Variants in GMIP observed in about 807,000 individuals in gnomAD.
GMIP encodes GEM-interacting protein.
A neutral mutation model predicts 105.3 loss-of-function variants in GMIP; 54 were observed. The observed-to-expected ratio is 0.51, with a 90% CI of 0.41 to 0.64. The LOEUF (loss-of-function observed/expected upper bound fraction) is 0.64. Ranked by LOEUF, GMIP falls within the 30% of genes least tolerant of loss-of-function variation. GMIP has a pLI of 0.00. For synonymous variants in GMIP, 541 were observed against 560.8 expected, an observed-to-expected ratio of 0.96 and a Z score of 0.50; for missense variants, 1,110 against 1,319.4, an observed-to-expected ratio of 0.84 and a Z score of 2.46.
At chr19:19,642,157 T>A in intron 2 of GMIP, 106 bp from the exon 3 acceptor site, 3 of 662,770 alleles carry the variant, frequency 4.5e-6, no homozygotes, top group Non-Finnish European at 7.9e-6. Context: ...CTCTGTGGCA[T>A]CTCTTGTGTC....
rs2061948080 is a variant in GMIP at position 19,643,541 on chromosome 19, G to C, written c.-12C>G. 3.2e-6 allele frequency: 5 copies of C among 1,547,166 alleles called. No homozygotes were observed. The highest frequency in any genetic ancestry group is 4.4e-6 in the Non-Finnish European group (5 of 1,145,110). On this transcript the variant is annotated 5_prime_UTR_variant, in exon 1 of 21. Coordinates refer to ENST00000203556, the MANE Select transcript of GMIP (RefSeq NM_016573.4). Reference sequence around the variant, plus strand: ...TCTGCTGCGTCCATATCTGGGCCCGGGGATCGCTCTGCAGGGACCGGGATG... The same window carrying C: ...TCTGCTGCGTCCATATCTGGGCCCGCGGATCGCTCTGCAGGGACCGGGATG...
intron 3 of GMIP, 50 bp downstream of exon 3, chr19:19,641,926 G>A (rs2061924826): frequency 6.2e-7 from 1 of 1,600,044 alleles, no homozygotes; most frequent in Non-Finnish European, 8.6e-7. Flanking sequence ...GCCTTCCTAA[G>A]GCCCCCTCTG....
Position 19,635,447 on chromosome 19 carries a change from C to CTTCG in GMIP, c.1524_1527dup (p.Ala510ArgfsTer11). ...CACTCCGTCCCGCTGACCATGAAGG[C>CTTCG]TTCGCACTCGCGGCACTTGGCTGGG... On this transcript the variant is annotated frameshift_variant, in exon 15 of 21. Transcript: ENST00000203556. LOFTEE classifies it high-confidence loss of function. This position sits in a 1 kb window ranked among gnomAD's most constrained non-coding sequence, Gnocchi z 4.7. The CTTCG allele has an allele frequency of 6.2e-7, 1 of 1,609,918 alleles. No individual in the cohort carries two copies. The highest frequency in any genetic ancestry group is 8.5e-7 in the Non-Finnish European group (1 of 1,179,970).
At chr19:19,640,693 T>A in intron 4 of GMIP, 122 bp from the exon 5 acceptor site, 2 of 846,468 alleles carry the variant, frequency 2.4e-6, no homozygotes, top group Non-Finnish European at 3.7e-6. Flanking sequence ...AAACACTACT[T>A]TGGGATCACT....
rs780922728 is a variant in GMIP at position 19,637,475 on chromosome 19, G to C, written c.1014C>G (p.Pro338=). 353 of 1,536,048 alleles carry C rather than the reference G, an allele frequency of 2.3e-4. No homozygotes were observed. Among genetic ancestry groups the C allele is most frequent in the South Asian group, 1.7e-3 (139 of 83,228 alleles). Residue 338 remains proline, a synonymous_variant, in exon 11 of 21, where the codon CCC becomes CCG. Coordinates refer to ENST00000203556, the MANE Select transcript of GMIP (RefSeq NM_016573.4). This position sits in a 1 kb window ranked among gnomAD's most constrained non-coding sequence, Gnocchi z 6.7. The part of the protein sequence containing the change: ...AFAALAECCA[P]FEPGQRYQEF... ...CCTGGTAGCGCTGGCCCGGCTCAAA[G>C]GGCGCACAGCACTCGGCCAGGGCGG... is the stretch of plus-strand genomic sequence containing the variant.
At chr19:19,631,164 G>A (rs1331658946) in intron 19 of GMIP, among the ~76,000 whole-genome samples, 1 of 152,116 alleles carries the variant, frequency 6.6e-6, no homozygotes, top group Non-Finnish European at 1.5e-5. Context: ...TCATGCCCCT[G>A]CACTCCAGTC....
intron 19 of GMIP, among the ~76,000 whole-genome samples, chr19:19,632,388 TA>T (rs1568410938): frequency 6.6e-6 from 1 of 151,880 alleles, no homozygotes; most frequent in East Asian, 1.9e-4. Context: ...TTACTTGAGG[TA>T]GGGGGTTGGA....
At position 19,634,736 on chromosome 19, in the gene GMIP, T is replaced by G; in HGVS notation, c.1888-33A>C. On this transcript the variant is annotated intron_variant, in intron 17 of 20. Coordinates refer to ENST00000203556, the MANE Select transcript of GMIP (RefSeq NM_016573.4). This position sits in a 1 kb window ranked among gnomAD's most constrained non-coding sequence, Gnocchi z 6.1. ...TGGAACGGAGGGCGCAACACGAGTGTGGGTGGGCTGTGGAGGGCTCCTGCC... is the reference window on the plus strand; with the variant it reads ...TGGAACGGAGGGCGCAACACGAGTGGGGGTGGGCTGTGGAGGGCTCCTGCC... 6.2e-7 allele frequency: 1 copy of G among 1,609,130 alleles called. No individual in the cohort carries two copies. Among genetic ancestry groups the G allele is most frequent in the Non-Finnish European group, 8.5e-7 (1 of 1,176,572 alleles).
In GMIP at chr19:19,634,643, A is replaced by G; in HGVS notation, c.1948T>C (p.Leu650=). Reference sequence around the variant, plus strand: ...GGGTCGTCCCCAGGGTCTGCATGCAAGGTCTTAGCCAGAGAGATGAAGGCG... The same window carrying G: ...GGGTCGTCCCCAGGGTCTGCATGCAGGGTCTTAGCCAGAGAGATGAAGGCG... The part of the protein sequence containing the change: ...YDAFISLAKT[L]HADPGDDPGT... The change falls in exon 18 of 21, where the codon TTG becomes CTG. Residue 650 remains leucine (L), a synonymous_variant. Transcript: ENST00000203556. The surrounding 1 kb of genome is among the most constrained non-coding windows in gnomAD (Gnocchi z 6.1). The G allele has an allele frequency of 6.2e-7, 1 of 1,613,372 alleles. No homozygotes were observed. Among genetic ancestry groups the G allele is most frequent in the East Asian group, 2.2e-5 (1 of 44,868 alleles).
At position 19,640,276 on chromosome 19, in the gene GMIP, G is replaced by C; in HGVS notation, c.429+20C>G. The C allele has an allele frequency of 6.2e-7, 1 of 1,611,486 alleles. No homozygotes were observed. The highest frequency in any genetic ancestry group is 8.5e-7 in the Non-Finnish European group (1 of 1,177,942). On this transcript the variant is annotated intron_variant, in intron 6 of 20. Coordinates refer to ENST00000203556, the MANE Select transcript of GMIP (RefSeq NM_016573.4). ...GTTCTAGGGGGCTTGGGCTCTCCGG[G>C]GGGGTCTGGTCATGACTACCTGCTG... is the stretch of plus-strand genomic sequence containing the variant.
chr19:19,640,254 C>T (rs2061904035), intron 6 of GMIP, 42 bp downstream of exon 6: 1 of 1,595,222 alleles, frequency 6.3e-7, no homozygotes, highest in South Asian at 1.1e-5. Context: ...AGGTGGGGTT[C>T]TAGGGGGCTT....
rs751013260 is a variant in GMIP, at chr19:19,638,162, G to A, written c.786C>T (p.Ala262=). 7.7e-5 allele frequency: 122 copies of A among 1,582,004 alleles called. 1 individual carries two copies. The highest frequency in any genetic ancestry group is 1.0e-4 in the Non-Finnish European group (119 of 1,172,734). The change falls in exon 9 of 21, where the codon GCC becomes GCT. Residue 262 remains alanine, a synonymous_variant. Transcript: ENST00000203556. ...GGGCTCGGGGCCGGGTGCCCACCTTGGCCTGGGCCTCCTCTCGCGAGCGCC... is the reference window on the plus strand; with the variant it reads ...GGGCTCGGGGCCGGGTGCCCACCTTAGCCTGGGCCTCCTCTCGCGAGCGCC... ...RRRRSREEAQ[A]KAQEAEALYQ...
At chr19:19,633,665 A>G in intron 19 of GMIP, 138 bp downstream of exon 19, 1 of 606,234 alleles carries the variant, frequency 1.6e-6, no homozygotes, top group Non-Finnish European at 2.6e-6. Flanking sequence ...TATTCCTTCC[A>G]GAATGAACAT....
At position 19,637,780 on chromosome 19, in the gene GMIP, T is replaced by G; in HGVS notation, c.927+140A>C. ...ACCTCATGGGGCGGAGCCGAGACAG[T>G]GGGTCTGGGGGCGGGAACTGGCTGT... On this transcript the variant is annotated intron_variant, in intron 10 of 20. Transcript: ENST00000203556. The surrounding 1 kb of genome is among the most constrained non-coding windows in gnomAD (Gnocchi z 6.7). The G allele has an allele frequency of 2.1e-6, 2 of 957,106 alleles. No homozygotes were observed. Among genetic ancestry groups the G allele is most frequent in the Non-Finnish European group, 3.1e-6 (2 of 648,554 alleles). The allele number at this position is 957,106 out of a possible 1,614,324, so 59.3% of individuals were successfully genotyped here.
At chr19:19,638,094 G>T (rs781413305) in intron 9 of GMIP, 37 bp from the exon 10 acceptor site, 2 of 1,546,082 alleles carry the variant, frequency 1.3e-6, no homozygotes, top group Non-Finnish European at 1.7e-6. Context: ...GGTGGGGCGC[G>T]TGTGGGCGAG....
intron 1 of GMIP, 195 bp downstream of exon 1, chr19:19,643,316 G>T (rs530126541): frequency 1.2e-4 from 60 of 480,858 alleles, no homozygotes; most frequent in Admixed American, 1.1e-3. Context: ...GGGATCAAAA[G>T]GGGGAGGGGG....
In GMIP at chr19:19,640,077, C is replaced by A; in HGVS notation, c.537+8G>T. The A allele has an allele frequency of 1.3e-6, 2 of 1,519,922 alleles. No homozygotes were observed. Among genetic ancestry groups the A allele is most frequent in the Non-Finnish European group, 9.1e-7 (1 of 1,094,212 alleles). The allele number at this position is 1,519,922 out of a possible 1,614,324, so 94.2% of individuals were successfully genotyped here. On this transcript the variant is annotated splice_region_variant and intron_variant, in intron 7 of 20. Coordinates refer to ENST00000203556, the MANE Select transcript of GMIP (RefSeq NM_016573.4). ...GACCTCTGTAACATTCCACCCTGCC[C>A]CCCTCACCTGGTAGTAGTCTCTTTT... is the stretch of plus-strand genomic sequence containing the variant.
chr19:19,636,181 G>T (rs1370124491), intron 13 of GMIP, among the ~76,000 whole-genome samples: 1 of 147,474 alleles, frequency 6.8e-6, no homozygotes, highest in Non-Finnish European at 1.5e-5. Flanking sequence ...TCCAGCCTGG[G>T]CAACAGAGCA....
At chr19:19,641,314 C>A (rs890361801) in intron 4 of GMIP, among the ~76,000 whole-genome samples, 7 of 151,388 alleles carry the variant, frequency 4.6e-5, no homozygotes, top group African/African-American at 1.7e-4. Flanking sequence ...GATCTCCTGA[C>A]CTCGTGGTCC....
Sources: gnomAD v4.1 joint callset for allele counts (sites outside exome capture counted in the v4.1 genomes callset) on GRCh38, gnomAD v4.1.1 for gene constraint, Gnocchi (gnomAD v3.1) non-coding constraint, MANE v1.5 for transcripts, NCBI Gene and HGNC (gene_info 2026-07-23, HGNC 2026-07-21) for gene names.